Variants in INO80C observed in about 807,000 individuals in gnomAD.
INO80C encodes IES6 homolog.
INO80C carries 17 observed loss-of-function variants against 17.7 expected under a neutral mutation model. The observed-to-expected ratio is 0.96, with a 90% CI of 0.66 to 1.44. The LOEUF is 1.44. Ranked by LOEUF, INO80C falls within the 40% of genes most tolerant of loss-of-function variation. INO80C has a pLI of 0.00. For synonymous variants in INO80C, 96 were observed against 95.8 expected (o/e 1.00, Z -0.01); for missense variants, 244 against 245.0 (o/e 1.00, Z 0.03).
intron 4 of INO80C, among the ~76,000 whole-genome samples, chr18:35,469,051 C>T (rs1386502925): frequency 1.3e-5 from 2 of 152,188 alleles, no homozygotes; most frequent in Non-Finnish European, 1.5e-5. Context: ...TCCCTCCCTG[C>T]CTTCAGACTC....
At chr18:35,489,521 T>C (rs2045913214) in intron 1 of INO80C, 1 of 155,090 alleles carries the variant, frequency 6.4e-6, no homozygotes, top group African/African-American at 2.4e-5. Flanking sequence ...GATTTAGTTA[T>C]ATCACACTGG....
chr18:35,489,228 C>G (rs555253458), intron 1 of INO80C: 1 of 216,814 alleles, frequency 4.6e-6, no homozygotes, highest in South Asian at 5.7e-5. Flanking sequence ...CAGCAACCCA[C>G]TCTACCGGTA....
chr18:35,472,591 C>A (rs188896337), intron 4 of INO80C, among the ~76,000 whole-genome samples: 60 of 152,252 alleles, frequency 3.9e-4, no homozygotes, highest in African/African-American at 1.3e-3. Context: ...TGTGTGCACA[C>A]TATTTCTCTA....
intron 1 of INO80C, among the ~76,000 whole-genome samples, chr18:35,488,891 C>CCGAAATCA (rs1457056999): frequency 6.6e-6 from 1 of 152,168 alleles, no homozygotes; most frequent in Non-Finnish European, 1.5e-5. Context: ...TGCCAGATAC[C>CCGAAATCA]CGAAATCATC....
chr18:35,475,600 G>A (rs2045725749), intron 4 of INO80C, among the ~76,000 whole-genome samples: 1 of 152,018 alleles, frequency 6.6e-6, no homozygotes, highest in Non-Finnish European at 1.5e-5. Flanking sequence ...AGCCTGGGAG[G>A]TCAAGACGGC....
chr18:35,477,615 A>G (rs1297110767), intron 4 of INO80C, among the ~76,000 whole-genome samples: 1 of 152,208 alleles, frequency 6.6e-6, no homozygotes, highest in African/African-American at 2.4e-5. Flanking sequence ...AAAAAGATGA[A>G]TCTTAGGTTC....
intron 2 of INO80C, among the ~76,000 whole-genome samples, chr18:35,479,803 G>GC (rs1374431414): frequency 6.6e-6 from 1 of 151,802 alleles, no homozygotes; most frequent in Non-Finnish European, 1.5e-5. Context: ...CCTTCTCGGG[G>GC]CAAGTCTCTG....
chr18:35,480,661 T>C (rs900368106), intron 1 of INO80C, 98 bp from the exon 2 acceptor site: 27 of 928,122 alleles, frequency 2.9e-5, no homozygotes, highest in Admixed American at 1.3e-4. Flanking sequence ...CCACAGGGCA[T>C]GCAAGGGAAG....
rs528263703 is a variant in INO80C, at chr18:35,497,955, C to T, written c.-81G>A. On this transcript the variant is annotated 5_prime_UTR_variant, in exon 1 of 5. Transcript: ENST00000334598. The stretch of plus-strand genomic sequence containing the variant: ...ACTTCCTTTCCGCTGTTACTTCCGT[C>T]TTGATGCTTGAAAACCCGGCCTGGA... 5 of 1,393,714 alleles carry T rather than the reference C, an allele frequency of 3.6e-6. No homozygotes were observed. The highest frequency in any genetic ancestry group is 1.9e-4 in the Middle Eastern group (1 of 5,320). The allele number at this position is 1,393,714 out of a possible 1,614,324, so 86.3% of individuals were successfully genotyped here. A position where few individuals can be genotyped will look rare whatever the true frequency, so the allele number is the denominator to read the frequency against.
rs58465669 is a variant in INO80C at position 35,474,207 on chromosome 18, CTATATATATATATATATATATA to C, written c.447+4053_447+4074del. 5.9e-3 allele frequency among the ~76,000 whole-genome samples: 343 copies of C among 58,048 alleles called. 5 individuals are homozygous for C. The highest frequency in any genetic ancestry group is 0.011 in the Admixed American group (45 of 4,200). The allele number at this position is 58,048 out of a possible 152,430, so 38.1% of individuals were successfully genotyped here. ...TATATGTGTATATGTGTGTGTGTGT[CTATATATATATATATATATATA>C]TATATATATATATATACTTAATAAC... is the stretch of plus-strand genomic sequence containing the variant. On this transcript the variant is annotated intron_variant, in intron 4 of 4. Coordinates refer to ENST00000334598, the MANE Select transcript of INO80C (RefSeq NM_194281.4).
intron 3 of INO80C, chr18:35,478,961 TA>T: frequency 4.7e-6 from 1 of 210,856 alleles, no homozygotes; most frequent in Non-Finnish European, 9.4e-6. Context: ...GGAACCCTCC[TA>T]AATCTGGTAT....
In INO80C at chr18:35,468,460, A is replaced by G. The variant is rs1567975659; in HGVS notation, c.*151T>C. 2 of 1,474,768 alleles carry G rather than the reference A, an allele frequency of 1.4e-6. No individual in the cohort carries two copies. Among genetic ancestry groups the G allele is most frequent in the Non-Finnish European group, 1.8e-6 (2 of 1,117,118 alleles). 91.4% of individuals were successfully genotyped at this position (1,474,768 alleles called of 1,614,324 possible). On this transcript the variant is annotated 3_prime_UTR_variant, in exon 5 of 5. Transcript: ENST00000334598. ...GGAAAACACACACTAAAAAAAAAAA[A>G]AACCCTTAAATTAAAGCCAAACATT...
chr18:35,480,676 T>C, intron 1 of INO80C, 113 bp from the exon 2 acceptor site: 1 of 810,994 alleles, frequency 1.2e-6, no homozygotes, highest in Non-Finnish European at 2.1e-6. Context: ...GGGAAGACAG[T>C]ATGCCCAGAG....
chr18:35,484,644 C>A (rs530748585), intron 1 of INO80C, among the ~76,000 whole-genome samples: 3 of 152,208 alleles, frequency 2.0e-5, no homozygotes, highest in Admixed American at 2.0e-4. Flanking sequence ...GTAATCTAGA[C>A]GTGGTTGAAG....
intron 4 of INO80C, among the ~76,000 whole-genome samples, chr18:35,476,734 C>T (rs965311520): frequency 2.1e-4 from 32 of 152,126 alleles, no homozygotes; most frequent in African/African-American, 7.7e-4. Flanking sequence ...GGTGCAGAGG[C>T]TCACGTCTTT....
Position 35,468,581 on chromosome 18 carries a change from A to C in INO80C, c.*30T>G, listed in dbSNP as rs1376162484. 4.3e-6 allele frequency: 7 copies of C among 1,613,680 alleles called. No individual in the cohort carries two copies. ...TGAGTCCAGAGTCTGTTTTTGAAAC[A>C]GCTTTCCACTTCATCTCCCTTTCTG... On this transcript the variant is annotated 3_prime_UTR_variant, in exon 5 of 5. Coordinates refer to ENST00000334598, the MANE Select transcript of INO80C (RefSeq NM_194281.4).
At chr18:35,486,804 A>AG (rs2045880218) in intron 1 of INO80C, among the ~76,000 whole-genome samples, 1 of 151,024 alleles carries the variant, frequency 6.6e-6, no homozygotes, top group African/African-American at 2.4e-5. Context: ...AAAAAAAAAA[A>AG]AAAAAAATTT....
rs766970220 is a variant in INO80C, at chr18:35,497,703, G to C, written c.156+16C>G. ...TTCGCGACGCGCACGCGCAGCCTGG[G>C]AGCGCGACTGCGTACCTGCGCAAAG... is the stretch of plus-strand genomic sequence containing the variant. On this transcript the variant is annotated intron_variant, in intron 1 of 4. Coordinates refer to ENST00000334598, the MANE Select transcript of INO80C (RefSeq NM_194281.4). 1.9e-6 allele frequency: 3 copies of C among 1,608,514 alleles called. No homozygotes were observed. The highest frequency in any genetic ancestry group is 2.5e-6 in the Non-Finnish European group (3 of 1,177,882).
At chr18:35,493,089 G>A (rs963206017) in intron 1 of INO80C, among the ~76,000 whole-genome samples, 1 of 152,196 alleles carries the variant, frequency 6.6e-6, no homozygotes, top group African/African-American at 2.4e-5. Context: ...CACTGTGTGA[G>A]CTTGGGCAAG....
Sources: gnomAD v4.1 joint callset for allele counts (sites outside exome capture counted in the v4.1 genomes callset) on GRCh38, gnomAD v4.1.1 for gene constraint, MANE v1.5 for transcripts, NCBI Gene and HGNC (gene_info 2026-07-23, HGNC 2026-07-21) for gene names.